Variants in TRAPPC3 observed in about 807,000 individuals in gnomAD.
TRAPPC3 encodes trafficking protein particle complex subunit 3, also known as trafficking protein particle complex 3.
A neutral mutation model predicts 18.2 loss-of-function variants in TRAPPC3; 5 were observed. That is an observed-to-expected ratio of 0.28 (90% confidence interval 0.14 to 0.58). TRAPPC3 has a LOEUF of 0.58. Among genes scored for constraint, TRAPPC3 ranks in the 20% least tolerant of loss-of-function variants. The probability of loss-of-function intolerance (pLI) is 0.91; values close to 1 mark genes in which losing one functional copy is unlikely to be tolerated. For synonymous variants in TRAPPC3, 65 were observed against 84.2 expected, an observed-to-expected ratio of 0.77 and a Z score of 1.25; for missense variants, 176 against 225.9, an observed-to-expected ratio of 0.78 and a Z score of 1.41.
intron 4 of TRAPPC3, 89 bp from the exon 5 acceptor site, chr1:36,137,411 A>G (rs1644041320): frequency 8.6e-6 from 12 of 1,394,324 alleles, no homozygotes; most frequent in Non-Finnish European, 1.1e-5. Context: ...ACTCATCCAC[A>G]GCATCCAAAA....
chr1:36,137,824 C>G lies in TRAPPC3; in HGVS notation c.395G>C (p.Cys132Ser). The part of the protein sequence containing the change: ...HSSLIYSNLL[C>S]GVLRGALEMV... ...CTCCAAAGCTCCCCGCAACACCCCA[C>G]ACAAGAGATTGGAATAAATAAGGGA... The change falls in exon 4 of 5, where the codon TGT (cysteine) becomes TCT (serine). Residue 132 changes from cysteine (C) to serine (S), a missense_variant. Around this residue, in one of 2 missense-constraint regions of TRAPPC3, gnomAD observed 147 missense variants for 164.3 expected, o/e 0.89. Coordinates refer to ENST00000373166, the MANE Select transcript of TRAPPC3 (RefSeq NM_014408.5). The G allele has an allele frequency of 6.2e-7, 1 of 1,614,188 alleles. No individual in the cohort carries two copies. Among genetic ancestry groups the G allele is most frequent in the South Asian group, 1.1e-5 (1 of 91,078 alleles).
Position 36,139,783 on chromosome 1 carries a change from G to T in TRAPPC3, c.177C>A (p.Phe59Leu), listed in dbSNP as rs777861359. The change falls in exon 3 of 5, where the codon TTC becomes TTA. Residue 59 changes from phenylalanine (F) to leucine (L), a missense_variant. Coordinates refer to ENST00000373166, the MANE Select transcript of TRAPPC3 (RefSeq NM_014408.5). ...FNIGVRLIED[F>L]LARSNVGRCH... ...ACCTCCCAACATTTGACCGAGCCAA[G>T]AAATCTTCAATCAGCCGGACTCCAA... 1 of 1,614,166 alleles carries T rather than the reference G, an allele frequency of 6.2e-7. No homozygotes were observed. Among genetic ancestry groups the T allele is most frequent in the Non-Finnish European group, 8.5e-7 (1 of 1,180,036 alleles).
intron 3 of TRAPPC3, chr1:36,138,277 G>C: frequency 6.5e-7 from 1 of 1,535,550 alleles, no homozygotes; most frequent in Non-Finnish European, 8.7e-7. Context: ...CTGTGTGCTT[G>C]TACTTCTCAG....
upstream of TRAPPC3, chr1:36,149,612 CTTAACACAG>C: frequency 5.0e-6 from 3 of 600,412 alleles, no homozygotes; most frequent in South Asian, 3.8e-5. Context: ...AGCACCGCCT[CTTAACACAG>C]TCAACTACAA....
At position 36,149,450 on chromosome 1, in the gene TRAPPC3, A is replaced by G. The variant is rs1644250483; in HGVS notation, c.-72T>C. ...CGACCCCTGCAGACGCCGGAGCCTA[A>G]GCCGCTGCCCCTCAGCCCACAAGAC... On this transcript the variant is annotated 5_prime_UTR_variant, in exon 1 of 5. Transcript: ENST00000373166. 1.3e-6 allele frequency: 2 copies of G among 1,580,716 alleles called. No individual in the cohort carries two copies. Among genetic ancestry groups the G allele is most frequent in the Non-Finnish European group, 1.7e-6 (2 of 1,161,886 alleles).
chr1:36,154,377 G>A (rs950076139), upstream of TRAPPC3, among the ~76,000 whole-genome samples: 1 of 152,140 alleles, frequency 6.6e-6, no homozygotes, highest in African/African-American at 2.4e-5. Context: ...CATCCCTGCA[G>A]TAATCTCAAG....
At chr1:36,139,581 G>T in intron 3 of TRAPPC3, 139 bp downstream of exon 3, 2 of 1,106,482 alleles carry the variant, frequency 1.8e-6, no homozygotes, top group Non-Finnish European at 2.6e-6. Context: ...TAACGACCTG[G>T]AATGTTTTTT....
chr1:36,153,446 A>G (rs889004916), upstream of TRAPPC3, among the ~76,000 whole-genome samples: 1 of 152,126 alleles, frequency 6.6e-6, no homozygotes, highest in East Asian at 1.9e-4. Flanking sequence ...GGAAACCTTC[A>G]GGTCTGGCCA....
At chr1:36,149,565 C>T (rs2231308), upstream of TRAPPC3, 2 of 679,054 alleles carry the variant, frequency 2.9e-6, no homozygotes, top group African/African-American at 3.6e-5. Context: ...TCCCGCCCAA[C>T]AAACGTCAGA....
chr1:36,137,622 G>T, intron 4 of TRAPPC3, 174 bp downstream of exon 4: 1 of 714,234 alleles, frequency 1.4e-6, no homozygotes. Flanking sequence ...GTATGGAGGA[G>T]TATCACCATG....
chr1:36,146,002 T>C (rs2124165414), intron 1 of TRAPPC3, among the ~76,000 whole-genome samples: 1 of 151,980 alleles, frequency 6.6e-6, no homozygotes, highest in Admixed American at 6.5e-5. Context: ...ATGGTCTCGA[T>C]CTCCTGACCT....
chr1:36,145,312 A>G lies in TRAPPC3; in HGVS notation c.42+4025T>C, dbSNP rs1181275496. On this transcript the variant is annotated intron_variant, in intron 1 of 4. Transcript: ENST00000373166. Reference sequence around the variant, plus strand: ...CCAAAGTGCAGGGATTACAGGTGTGAGCCACCATGCCTGGCCAGGAGGCTG... The same window carrying G: ...CCAAAGTGCAGGGATTACAGGTGTGGGCCACCATGCCTGGCCAGGAGGCTG... Among the ~76,000 whole-genome samples the G allele has an allele frequency of 2.6e-5, 4 of 152,146 alleles. No homozygotes were observed. The South Asian group carries it at 8.3e-4, about 32-fold the overall frequency.
At chr1:36,141,155 C>CA (rs1000836301) in intron 1 of TRAPPC3, among the ~76,000 whole-genome samples, 8 of 86,188 alleles carry the variant, frequency 9.3e-5, no homozygotes, top group Admixed American at 5.4e-4. Context: ...AAGACTCTGT[C>CA]AAAAAAAAAA....
At chr1:36,147,197 C>T (rs1265011756) in intron 1 of TRAPPC3, among the ~76,000 whole-genome samples, 1 of 152,050 alleles carries the variant, frequency 6.6e-6, no homozygotes, top group East Asian at 1.9e-4. Flanking sequence ...TGGTTGGGTG[C>T]CTGTAATCCT....
intron 1 of TRAPPC3, among the ~76,000 whole-genome samples, chr1:36,146,048 G>C (rs552043845): frequency 6.6e-6 from 1 of 152,030 alleles, no homozygotes; most frequent in African/African-American, 2.4e-5. Context: ...AAAGTGCTGG[G>C]ATTACAGGCG....
At chr1:36,138,222 AT>A in intron 3 of TRAPPC3, 1 of 1,545,194 alleles carries the variant, frequency 6.5e-7, no homozygotes. Context: ...TCCCAGAAAC[AT>A]TTTTCTTTCC....
At position 36,149,408 on chromosome 1, in the gene TRAPPC3, G is replaced by A; in HGVS notation, c.-30C>T. On this transcript the variant is annotated 5_prime_UTR_variant, in exon 1 of 5. Coordinates refer to ENST00000373166, the MANE Select transcript of TRAPPC3 (RefSeq NM_014408.5). ...CCGGCCGCCCCGCCCCACTCGCCTA[G>A]CCACGGGTTAGCTCGGCGACCCCTG... is the stretch of plus-strand genomic sequence containing the variant. 6.2e-7 allele frequency: 1 copy of A among 1,611,676 alleles called. No individual in the cohort carries two copies. Among genetic ancestry groups the A allele is most frequent in the Non-Finnish European group, 8.5e-7 (1 of 1,179,546 alleles).
At chr1:36,150,093 C>G (rs1265406924), upstream of TRAPPC3, among the ~76,000 whole-genome samples, 3 of 152,316 alleles carry the variant, frequency 2.0e-5, no homozygotes, top group East Asian at 3.9e-4. Flanking sequence ...CTTTCTCCCC[C>G]TCCCTCCCCC....
chr1:36,139,449 C>A (rs891589258), intron 3 of TRAPPC3: 8 of 370,584 alleles, frequency 2.2e-5, no homozygotes, highest in African/African-American at 1.7e-4. Context: ...AGCCACCACG[C>A]CCGACCGAGT....
Sources: allele counts gnomAD v4.1 joint callset (sites outside exome capture counted in the v4.1 genomes callset), GRCh38; gene constraint gnomAD v4.1.1; regional missense constraint gnomAD v4.1.1; transcripts MANE v1.5; gene names NCBI Gene and HGNC (gene_info 2026-07-23, HGNC 2026-07-21).